Variants in DRC11 observed in about 807,000 individuals in gnomAD.
The protein encoded by DRC11 is IQ and AAA domain-containing protein 1.
chr2:236,321,074 T>G, the DRC11 span, among the ~76,000 whole-genome samples: 2 of 152,242 alleles, frequency 1.3e-5, no homozygotes, highest in Non-Finnish European at 2.9e-5. Context: ...GAGGACAGTC[T>G]GTCAATAGCT....
chr2:236,483,957 T>C, the DRC11 span, among the ~76,000 whole-genome samples: 1 of 152,234 alleles, frequency 6.6e-6, no homozygotes, highest in Admixed American at 6.5e-5. This position sits in a 1 kb window ranked among gnomAD's most constrained non-coding sequence, Gnocchi z 4.8. Flanking sequence ...TGGTTGATCA[T>C]AGAACAAAAG....
chr2:236,368,452 T>A, the DRC11 span: 1 of 591,796 alleles, frequency 1.7e-6, no homozygotes, highest in Admixed American at 3.1e-5. Flanking sequence ...GAAGAACACA[T>A]CTTTTCTCAG....
chr2:236,332,462 G>A, the DRC11 span: 1 of 152,204 alleles, frequency 6.6e-6, no homozygotes, highest in Non-Finnish European at 1.5e-5. The surrounding 1 kb of genome is among the most constrained non-coding windows in gnomAD (Gnocchi z 5.1). Flanking sequence ...GGAGAAGGGT[G>A]AAGGGTGTTT....
chr2:236,386,778 C>T, the DRC11 span, among the ~76,000 whole-genome samples: 1 of 149,398 alleles, frequency 6.7e-6, no homozygotes, highest in Non-Finnish European at 1.5e-5. Context: ...TGGATCTTTC[C>T]TGCTTTCTCT....
At chr2:236,424,310 T>C in the DRC11 span, among the ~76,000 whole-genome samples, 1 of 152,226 alleles carries the variant, frequency 6.6e-6, no homozygotes, top group African/African-American at 2.4e-5. Context: ...CACTGTGGCC[T>C]TATCAGTTAA....
chr2:236,479,385 A>AT, the DRC11 span, among the ~76,000 whole-genome samples: 12 of 149,478 alleles, frequency 8.0e-5, no homozygotes, highest in Admixed American at 2.0e-4. The surrounding 1 kb of genome is among the most constrained non-coding windows in gnomAD (Gnocchi z 4.1). Flanking sequence ...TGCCATTTAC[A>AT]TTTTTTTTTC....
chr2:236,425,462 C>T, the DRC11 span, among the ~76,000 whole-genome samples: 4 of 151,990 alleles, frequency 2.6e-5, no homozygotes, highest in African/African-American at 9.7e-5. Context: ...AATGTCTATT[C>T]ATGTCCTTTG....
the DRC11 span, among the ~76,000 whole-genome samples, chr2:236,485,478 A>G: frequency 2.6e-5 from 4 of 152,122 alleles, no homozygotes; most frequent in Non-Finnish European, 5.9e-5. Context: ...TCACCAGAAT[A>G]CACCTTAGGT....
At chr2:236,463,252 T>C in the DRC11 span, among the ~76,000 whole-genome samples, 48 of 152,092 alleles carry the variant, frequency 3.2e-4, 1 homozygote, top group Admixed American at 3.1e-3. This position sits in a 1 kb window ranked among gnomAD's most constrained non-coding sequence, Gnocchi z 5.0. Flanking sequence ...CATGAAACCA[T>C]CCCCAGAAAG....
chr2:236,306,973 C>A, the DRC11 span, among the ~76,000 whole-genome samples: 1 of 152,186 alleles, frequency 6.6e-6, no homozygotes, highest in African/African-American at 2.4e-5. This position sits in a 1 kb window ranked among gnomAD's most constrained non-coding sequence, Gnocchi z 5.9. Flanking sequence ...CTTCTTACAC[C>A]ATTGCAGCCC....
the DRC11 span, among the ~76,000 whole-genome samples, chr2:236,396,298 G>GGGGT: frequency 8.4e-4 from 70 of 82,990 alleles, no homozygotes; most frequent in African/African-American, 3.1e-3. Flanking sequence ...CAATGAAAGA[G>GGGGT]GGGCGGGGGG....
the DRC11 span, among the ~76,000 whole-genome samples, chr2:236,459,508 TATAC>T: frequency 1.5e-4 from 15 of 102,292 alleles, no homozygotes; most frequent in Admixed American, 4.2e-4. Context: ...TATGTATACG[TATAC>T]GTATACATGT....
At chr2:236,446,491 G>A in the DRC11 span, among the ~76,000 whole-genome samples, 1 of 152,230 alleles carries the variant, frequency 6.6e-6, no homozygotes, top group Non-Finnish European at 1.5e-5. The surrounding 1 kb of genome is among the most constrained non-coding windows in gnomAD (Gnocchi z 6.2). Context: ...GGAAACCAAA[G>A]TCTCTGCTTT....
the DRC11 span, among the ~76,000 whole-genome samples, chr2:236,383,328 C>A: frequency 6.6e-6 from 1 of 152,214 alleles, no homozygotes; most frequent in South Asian, 2.1e-4. Flanking sequence ...GTATTTAAAT[C>A]TCATCTTTTT....
At chr2:236,366,705 A>G in the DRC11 span, among the ~76,000 whole-genome samples, 1 of 151,136 alleles carries the variant, frequency 6.6e-6, no homozygotes, top group Non-Finnish European at 1.5e-5. Flanking sequence ...AAATACACCA[A>G]CCTCATTAGG....
At chr2:236,351,477 G>A in the DRC11 span, among the ~76,000 whole-genome samples, 1 of 152,214 alleles carries the variant, frequency 6.6e-6, no homozygotes, top group Non-Finnish European at 1.5e-5. The surrounding 1 kb of genome is among the most constrained non-coding windows in gnomAD (Gnocchi z 7.3). Context: ...GGCACATGGG[G>A]AGCACCTGGC....
the DRC11 span, among the ~76,000 whole-genome samples, chr2:236,491,151 T>TACACACAGTATATATATATATATATATAC: frequency 9.6e-5 from 7 of 72,786 alleles, no homozygotes; most frequent in Admixed American, 7.0e-4. Flanking sequence ...AGTATATATA[T>TACACACAGTATATATATATATATATATAC]ACACACAGTA....
chr2:236,427,730 C>A, the DRC11 span, among the ~76,000 whole-genome samples: 1 of 151,944 alleles, frequency 6.6e-6, no homozygotes, highest in South Asian at 2.1e-4. This position sits in a 1 kb window ranked among gnomAD's most constrained non-coding sequence, Gnocchi z 5.9. Flanking sequence ...GGCTCCATTT[C>A]ATTTATTTTT....
chr2:236,356,331 A>G, the DRC11 span, among the ~76,000 whole-genome samples: 1 of 152,198 alleles, frequency 6.6e-6, no homozygotes, highest in African/African-American at 2.4e-5. Flanking sequence ...AGGCGGATAC[A>G]GGAAGAAGCA....
Sources: allele counts gnomAD v4.1 joint callset (sites outside exome capture counted in the v4.1 genomes callset), GRCh38; gene constraint gnomAD v4.1.1; non-coding constraint Gnocchi (gnomAD v3.1); transcripts MANE v1.5; gene names NCBI Gene and HGNC (gene_info 2026-07-23, HGNC 2026-07-21).